The following KDM6A variants were observed in gnomAD, a reference collection of about 807,000 sequenced individuals.
KDM6A encodes the protein lysine-specific demethylase 6A.
KDM6A carries 11 observed loss-of-function variants against 117.6 expected under a neutral mutation model. The ratio of observed to expected loss-of-function variants is 0.09; its 90% confidence interval spans 0.06 to 0.15. KDM6A has a LOEUF of 0.15. Ranked by LOEUF, KDM6A falls within the 10% of genes least tolerant of loss-of-function variation. The pLI, the probability that KDM6A is intolerant of heterozygous loss-of-function variation, is 1.00. For synonymous variants in KDM6A, 384 were observed against 396.1 expected, an observed-to-expected ratio of 0.97 and a Z score of 0.36; for missense variants, 799 against 1,077.3, an observed-to-expected ratio of 0.74 and a Z score of 3.62.
intron 2 of KDM6A, among the ~76,000 whole-genome samples, chrX:44,876,945 G>A (rs2031655384): frequency 9.1e-6 from 1 of 109,868 alleles, no homozygotes; most frequent in South Asian, 3.7e-4. Flanking sequence ...ATATACACAC[G>A]TATACGTATA....
At position 45,099,758 on chromosome X, in the gene KDM6A, G is replaced by A. The variant is rs190325121; in HGVS notation, c.4035-7652G>A. Among the ~76,000 whole-genome samples, 48 of 112,057 alleles carry A rather than the reference G, an allele frequency of 4.3e-4. 1 individual carries two copies. In the Admixed American group the frequency reaches 4.3e-3, roughly 10 times the overall value. ...TAAGATTTAAAAGAAACCCTCACTGGGTGCGGTGGCTCACGCCTATAATCC... is the reference window on the plus strand; with the variant it reads ...TAAGATTTAAAAGAAACCCTCACTGAGTGCGGTGGCTCACGCCTATAATCC... On this transcript the variant is annotated intron_variant, in intron 27 of 29. Coordinates refer to ENST00000611820, the MANE Select transcript of KDM6A (RefSeq NM_001291415.2).
chrX:44,900,221 C>T (rs1475822582), intron 2 of KDM6A, among the ~76,000 whole-genome samples: 1 of 111,882 alleles, frequency 8.9e-6, no homozygotes, highest in East Asian at 2.8e-4. Flanking sequence ...AAAATTTTTT[C>T]CCCAAAATTC....
At chrX:44,915,650 A>T (rs1243314000) in intron 2 of KDM6A, among the ~76,000 whole-genome samples, 2 of 111,645 alleles carry the variant, frequency 1.8e-5, no homozygotes, top group African/African-American at 6.5e-5. Flanking sequence ...TCCGAGTAGC[A>T]TGATGAAATC....
At chrX:45,044,982 A>T (rs1336147207) in intron 8 of KDM6A, among the ~76,000 whole-genome samples, 1 of 111,643 alleles carries the variant, frequency 9.0e-6, no homozygotes, top group Non-Finnish European at 1.9e-5. Flanking sequence ...TAATATAAGT[A>T]TTTTACACGA....
chrX:44,906,581 T>G (rs1303238514), intron 2 of KDM6A, among the ~76,000 whole-genome samples: 1 of 111,459 alleles, frequency 9.0e-6, no homozygotes, highest in Non-Finnish European at 1.9e-5. Context: ...AAAAAAAAAT[T>G]CATTCATCTT....
chrX:45,074,175 AGAT>A (rs1403848602), intron 18 of KDM6A, among the ~76,000 whole-genome samples: 2 of 111,692 alleles, frequency 1.8e-5, no homozygotes, highest in African/African-American at 3.3e-5. Context: ...GTCAAAGATC[AGAT>A]GATTGTAGAT....
At position 44,873,890 on chromosome X, in the gene KDM6A, A is replaced by T. The variant is rs113197794; in HGVS notation, c.162-34A>T. On this transcript the variant is annotated intron_variant, in intron 1 of 29. Transcript: ENST00000611820. Reference sequence around the variant, plus strand: ...AGGGACGGGTCGGTGGCGTTCCCTGAGCGTTAACGAGTAAACTGTGTCTGT... The same window carrying T: ...AGGGACGGGTCGGTGGCGTTCCCTGTGCGTTAACGAGTAAACTGTGTCTGT... 5.3e-3 allele frequency: 6,366 copies of T among 1,192,608 alleles called. 217 individuals carry two copies. The African/African-American group carries it at 0.098, about 18-fold the overall frequency.
chrX:45,073,721 T>G (rs148983681), intron 18 of KDM6A, among the ~76,000 whole-genome samples: 1,594 of 112,081 alleles, frequency 0.014, 18 homozygotes, highest in Middle Eastern at 0.037. Context: ...GATGGGGTTG[T>G]TTGTTTTTTT....
At chrX:45,058,955 A>G (rs370386593) in intron 10 of KDM6A, 51 bp from the exon 11 acceptor site, 2 of 1,055,641 alleles carry the variant, frequency 1.9e-6, no homozygotes, top group Non-Finnish European at 2.6e-6. Flanking sequence ...AATTTGTTTC[A>G]GTATTAATGG....
intron 4 of KDM6A, among the ~76,000 whole-genome samples, chrX:44,982,393 G>A (rs2039957680): frequency 9.1e-6 from 1 of 109,973 alleles, no homozygotes; most frequent in South Asian, 3.8e-4. Context: ...ATTTAGTTTG[G>A]GACACCGAAA....
intron 2 of KDM6A, among the ~76,000 whole-genome samples, chrX:44,905,394 A>T (rs911253309): frequency 8.9e-6 from 1 of 112,394 alleles, no homozygotes; most frequent in Non-Finnish European, 1.9e-5. Context: ...GTACAGTAAC[A>T]TGCTGTGCCA....
chrX:45,014,880 T>C (rs1569519974), intron 5 of KDM6A, among the ~76,000 whole-genome samples: 1 of 111,460 alleles, frequency 9.0e-6, no homozygotes, highest in Non-Finnish European at 1.9e-5. Flanking sequence ...AATGGTCTTA[T>C]GGCAGCAAAT....
At chrX:45,072,702 G>A (rs1226017442) in intron 18 of KDM6A, among the ~76,000 whole-genome samples, 1 of 109,490 alleles carries the variant, frequency 9.1e-6, no homozygotes, top group South Asian at 3.8e-4. Context: ...GGGAAGATTT[G>A]GAGGTTCAAA....
chrX:45,089,038 G>C (rs377191652), intron 25 of KDM6A, among the ~76,000 whole-genome samples: 1 of 111,829 alleles, frequency 8.9e-6, no homozygotes, highest in East Asian at 2.8e-4. Flanking sequence ...CAGTGTTCCT[G>C]TTTATGGATT....
chrX:45,027,336 A>AAAACACACACACAC (rs1556192331), intron 6 of KDM6A, among the ~76,000 whole-genome samples: 1 of 98,137 alleles, frequency 1.0e-5, no homozygotes, highest in East Asian at 3.2e-4. Context: ...CATAGTGTGA[A>AAAACACACACACAC]ACACACACAC....
intron 2 of KDM6A, among the ~76,000 whole-genome samples, chrX:44,914,184 T>C (rs1222794206): frequency 8.9e-6 from 1 of 112,095 alleles, no homozygotes; most frequent in Admixed American, 9.5e-5. Context: ...CCAAAAACTT[T>C]ATTCCCAACA....
intron 2 of KDM6A, among the ~76,000 whole-genome samples, chrX:44,908,932 T>C (rs191060355): frequency 1.8e-5 from 2 of 112,516 alleles, no homozygotes; most frequent in Admixed American, 1.9e-4. Context: ...GATTTTTGTT[T>C]TTAAGGAAAC....
At chrX:44,992,791 C>A (rs1218403619) in intron 4 of KDM6A, among the ~76,000 whole-genome samples, 1 of 110,541 alleles carries the variant, frequency 9.0e-6, no homozygotes, top group Non-Finnish European at 1.9e-5. Context: ...TGTGATCCAC[C>A]CACCTCGGCC....
chrX:45,075,079 A>T (rs1422352141), intron 18 of KDM6A, among the ~76,000 whole-genome samples: 1 of 111,826 alleles, frequency 8.9e-6, no homozygotes, highest in Non-Finnish European at 1.9e-5. Flanking sequence ...CATTTACTCT[A>T]CAGTAGTATA....
Sources: allele counts gnomAD v4.1 joint callset (sites outside exome capture counted in the v4.1 genomes callset), GRCh38; gene constraint gnomAD v4.1.1; transcripts MANE v1.5; gene names NCBI Gene and HGNC (gene_info 2026-07-23, HGNC 2026-07-21).